The following GEMIN4 variants were observed in gnomAD, a reference collection of about 807,000 sequenced individuals.
GEMIN4 encodes the protein gem nuclear organelle associated protein 4, also known as gem-associated protein 4.
A neutral mutation model predicts 76.8 loss-of-function variants in GEMIN4; 59 were observed. The observed-to-expected ratio is 0.77, with a 90% CI of 0.62 to 0.95. The LOEUF (loss-of-function observed/expected upper bound fraction) is 0.95, where lower values mean the gene tolerates loss of function less well. Ranked by LOEUF, GEMIN4 falls within the 40% of genes least tolerant of loss-of-function variation. GEMIN4 has a pLI of 0.00. For synonymous variants in GEMIN4, 562 were observed against 559.7 expected (o/e 1.00, Z -0.06); for missense variants, 1,311 against 1,318.9 (o/e 0.99, Z 0.09).
In GEMIN4 at chr17:746,289, A is replaced by G. The variant is rs1009180395; in HGVS notation, c.1754T>C (p.Phe585Ser). The change falls in exon 2 of 2, where the codon TTC (phenylalanine) becomes TCC (serine). Residue 585 changes from phenylalanine (F) to serine (S), a missense_variant. By Grantham distance (155) the Phe-to-Ser change is radical (BLOSUM62 -2). Coordinates refer to ENST00000319004, the MANE Select transcript of GEMIN4 (RefSeq NM_015721.3). The surrounding 1 kb of genome is among the most constrained non-coding windows in gnomAD (Gnocchi z 4.3). ...HKFLAQILTA[F>S]PALRFVEEQG... ...CTCTTCCACAAACCTAAGGGCAGGG[A>G]AGGCAGTGAGAATCTGGGCCAGGAA... 12 of 1,613,692 alleles carry G rather than the reference A, an allele frequency of 7.4e-6. No individual in the cohort carries two copies. Among genetic ancestry groups the G allele is most frequent in the Non-Finnish European group, 1.0e-5 (12 of 1,179,896 alleles).
chr17:746,951 G>A lies in GEMIN4; in HGVS notation c.1092C>T (p.Asn364=), dbSNP rs1974448411. 6.2e-7 allele frequency: 1 copy of A among 1,613,432 alleles called. No homozygotes were observed. The highest frequency in any genetic ancestry group is 1.3e-5 in the African/African-American group (1 of 75,028). Reference sequence around the variant, plus strand: ...TGTCCTCCTTGGACAGGCTGGTGCGGTTCAGGTAGAGCGTCGCGTTCTGGC... The same window carrying A: ...TGTCCTCCTTGGACAGGCTGGTGCGATTCAGGTAGAGCGTCGCGTTCTGGC... ...SFSQNATLYL[N]RTSLSKEDRQ... is the part of the protein sequence containing the mutation. The change falls in exon 2 of 2, where the codon AAC becomes AAT. Residue 364 remains asparagine, a synonymous_variant. Transcript: ENST00000319004. The surrounding 1 kb of genome is among the most constrained non-coding windows in gnomAD (Gnocchi z 4.3).
Position 744,846 on chromosome 17 carries a change from GC to G in GEMIN4, c.*19del. 1 of 1,593,814 alleles carries G rather than the reference GC, an allele frequency of 6.3e-7. No homozygotes were observed. ...TCTTCTGCAGACCCGCCATGTTGGG[GC>G]CCAGCTCCCCACGCCAAGTCAGAAG... is the stretch of plus-strand genomic sequence containing the variant. On this transcript the variant is annotated 3_prime_UTR_variant, in exon 2 of 2. Coordinates refer to ENST00000319004, the MANE Select transcript of GEMIN4 (RefSeq NM_015721.3).
In GEMIN4 at chr17:746,381, T is replaced by C. The variant is rs753209024; in HGVS notation, c.1662A>G (p.Ile554Met). Residue 554 changes from isoleucine to methionine, a missense_variant, in exon 2 of 2, where the codon ATA (isoleucine) becomes ATG (methionine). Transcript: ENST00000319004. This position sits in a 1 kb window ranked among gnomAD's most constrained non-coding sequence, Gnocchi z 4.3. ...KAVASVARLVIVHPEVTVKKM... is the reference protein window; with the variant it reads ...KAVASVARLVMVHPEVTVKKM... ...TCTTCACCGTGACTTCCGGGTGCAC[T>C]ATGACCAGGCGGGCCACGGAGGCCA... is the stretch of plus-strand genomic sequence containing the variant. 2.6e-5 allele frequency: 42 copies of C among 1,613,714 alleles called. No homozygotes were observed. The highest frequency in any genetic ancestry group is 3.5e-5 in the Non-Finnish European group (41 of 1,179,894).
chr17:747,898 C>A lies in GEMIN4; in HGVS notation c.145G>T (p.Ala49Ser). The A allele has an allele frequency of 6.2e-7, 1 of 1,613,934 alleles. No homozygotes were observed. The highest frequency in any genetic ancestry group is 8.5e-7 in the Non-Finnish European group (1 of 1,179,890). Residue 49 changes from alanine to serine, a missense_variant, in exon 2 of 2, where the codon GCC (alanine) becomes TCC (serine). Transcript: ENST00000319004. Reference sequence around the variant, plus strand: ...GCAGCCGAGGAGATCTCCCTTAAGGCCTCCACGATGGGCCGTCCAACACGT... The same window carrying A: ...GCAGCCGAGGAGATCTCCCTTAAGGACTCCACGATGGGCCGTCCAACACGT... ...WERVGRPIVE[A>S]LREISSAAAH...
At chr17:752,363 C>G (rs1303076840), upstream of GEMIN4, 14 of 1,065,740 alleles carry the variant, frequency 1.3e-5, no homozygotes, top group East Asian at 3.3e-5. Context: ...CGGCAGAGCC[C>G]TCCCACCAGC....
chr17:752,365 C>G (rs1329276788), upstream of GEMIN4: 1 of 1,053,636 alleles, frequency 9.5e-7, no homozygotes, highest in Non-Finnish European at 1.2e-6. Context: ...GCAGAGCCCT[C>G]CCACCAGCCC....
rs1974461826 is a variant in GEMIN4, at chr17:747,182, CTG to C, written c.859_860del (p.Gln287GlyfsTer24). The C allele has an allele frequency of 1.2e-6, 2 of 1,613,732 alleles. No homozygotes were observed. Among genetic ancestry groups the C allele is most frequent in the African/African-American group, 2.7e-5 (2 of 74,924 alleles). The stretch of plus-strand genomic sequence containing the variant: ...CCTCCTTCACCTTCTCTGCCAGCGC[CTG>C]CTGGTGGTAGGGATTCTGGGTGTCC... Reference protein sequence around the residue: ...NSDTQNPYHQQALAEKVKEAE... With the variant: ...NSDTQNPYHQXALAEKVKEAE... On this transcript the variant is annotated frameshift_variant, in exon 2 of 2. Transcript: ENST00000319004. LOFTEE classifies it high-confidence loss of function.
At chr17:749,686 C>G in intron 1 of GEMIN4, 1 of 368,580 alleles carries the variant, frequency 2.7e-6, no homozygotes, top group Non-Finnish European at 4.0e-6. Context: ...ATCACGCAGC[C>G]ACAGGGTAAC....
chr17:750,014 G>C, intron 1 of GEMIN4: 1 of 982,748 alleles, frequency 1.0e-6, no homozygotes, highest in Non-Finnish European at 1.2e-6. Context: ...AACATCTTGG[G>C]ATGTTTAATC....
rs1597558942 is a variant in GEMIN4, at chr17:747,744, A to C, written c.299T>G (p.Val100Gly). Residue 100 changes from valine (V) to glycine (G), a missense_variant, in exon 2 of 2, where the codon GTG (valine) becomes GGG (glycine). Val to Gly is a moderately radical substitution (Grantham distance 109). Coordinates refer to ENST00000319004, the MANE Select transcript of GEMIN4 (RefSeq NM_015721.3). ...TRWQEDLFFS[V>G]GNMIPTINHT... ...GTTGATGGTGGGGATCATGTTGCCCACCGAGAAGAACAGGTCTTCCTGCCA... is the reference window on the plus strand; with the variant it reads ...GTTGATGGTGGGGATCATGTTGCCCCCCGAGAAGAACAGGTCTTCCTGCCA... 2 of 1,613,698 alleles carry C rather than the reference A, an allele frequency of 1.2e-6. No individual in the cohort carries two copies. The highest frequency in any genetic ancestry group is 1.7e-6 in the Non-Finnish European group (2 of 1,179,816).
intron 1 of GEMIN4, chr17:751,531 C>T (rs1414216067): frequency 6.6e-6 from 1 of 152,228 alleles, no homozygotes; most frequent in Non-Finnish European, 1.5e-5. Context: ...GGGCTCCCTC[C>T]CAGACCTTGC....
chr17:750,084 A>G, intron 1 of GEMIN4: 2 of 724,218 alleles, frequency 2.8e-6, no homozygotes, highest in Non-Finnish European at 3.4e-6. Context: ...GGCCAGGTTC[A>G]GTGGCTAGCA....
rs375738068 is a variant in GEMIN4 at position 750,956 on chromosome 17, G to A, written c.10+1177C>T. Among the ~76,000 whole-genome samples the A allele has an allele frequency of 3.3e-5, 5 of 152,198 alleles. No individual in the cohort carries two copies. The East Asian group carries it at 9.6e-4, about 29-fold the overall frequency. ...GTCCCAAAATATAGTCCCTCCTGAC[G>A]CTGTAAATTTAATTTTATTGCATTA... On this transcript the variant is annotated intron_variant, in intron 1 of 1. Coordinates refer to ENST00000319004, the MANE Select transcript of GEMIN4 (RefSeq NM_015721.3).
At position 746,362 on chromosome 17, in the gene GEMIN4, C is replaced by T. The variant is rs1167363758; in HGVS notation, c.1681G>A (p.Val561Met). 2 of 1,613,728 alleles carry T rather than the reference C, an allele frequency of 1.2e-6. No individual in the cohort carries two copies. Among genetic ancestry groups the T allele is most frequent in the African/African-American group, 2.7e-5 (2 of 74,910 alleles). ...ACAGCCAGGCTGCACATTTTCTTCACCGTGACTTCCGGGTGCACTATGACC... is the reference window on the plus strand; with the variant it reads ...ACAGCCAGGCTGCACATTTTCTTCATCGTGACTTCCGGGTGCACTATGACC... ...RLVIVHPEVTVKKMCSLAVVN... is the reference protein window; with the variant it reads ...RLVIVHPEVTMKKMCSLAVVN... Residue 561 changes from valine (V) to methionine (M), a missense_variant, in exon 2 of 2, where the codon GTG becomes ATG. This residue lies in a region of GEMIN4 where 1,208 missense variants were observed against 1,166.9 expected (regional missense o/e 1.04). Transcript: ENST00000319004. This position sits in a 1 kb window ranked among gnomAD's most constrained non-coding sequence, Gnocchi z 4.3.
chr17:744,672 G>GA lies in GEMIN4; in HGVS notation c.*193dup, dbSNP rs1974318065. ...TAGTTTGTACGTTACAAATACCCAA[G>GA]AAACTATTTTCTTTACACCATTATT... On this transcript the variant is annotated 3_prime_UTR_variant, in exon 2 of 2. Coordinates refer to ENST00000319004, the MANE Select transcript of GEMIN4 (RefSeq NM_015721.3). The GA allele has an allele frequency of 1.1e-5, 6 of 564,962 alleles. No individual in the cohort carries two copies. Among genetic ancestry groups the GA allele is most frequent in the Non-Finnish European group, 1.2e-5 (4 of 327,226 alleles). 35.0% of individuals were successfully genotyped at this position (564,962 alleles called of 1,614,324 possible).
intron 1 of GEMIN4, chr17:751,817 A>G (rs1904712857): frequency 2.8e-6 from 1 of 352,216 alleles, no homozygotes; most frequent in African/African-American, 2.1e-5. Context: ...CGGGGCGCCC[A>G]GGGGTGCTCG....
rs1433534185 is a variant in GEMIN4 at position 747,318 on chromosome 17, T to A, written c.725A>T (p.Asn242Ile). 1.2e-6 allele frequency: 2 copies of A among 1,613,608 alleles called. No homozygotes were observed. The highest frequency in any genetic ancestry group is 3.3e-5 in the Admixed American group (2 of 60,006). ...GPGRKCCALA[N>I]LADMLTVFAL... ...AAACACAGTCAGCATGTCAGCCAGG[T>A]TGGCCAGCGCACAGCACTTCCTCCC... The change falls in exon 2 of 2, where the codon AAC becomes ATC. Residue 242 changes from asparagine to isoleucine, a missense_variant. This residue lies in a region of GEMIN4 where 1,208 missense variants were observed against 1,166.9 expected (regional missense o/e 1.04). Coordinates refer to ENST00000319004, the MANE Select transcript of GEMIN4 (RefSeq NM_015721.3).
chr17:745,248 G>T lies in GEMIN4; in HGVS notation c.2795C>A (p.Pro932His). The change falls in exon 2 of 2, where the codon CCT (proline) becomes CAT (histidine). Residue 932 changes from proline to histidine, a missense_variant. This residue lies in a region of GEMIN4 where 1,208 missense variants were observed against 1,166.9 expected (regional missense o/e 1.04). Transcript: ENST00000319004. The surrounding 1 kb of genome is among the most constrained non-coding windows in gnomAD (Gnocchi z 4.6). Reference sequence around the variant, plus strand: ...GACCACGTGGTTCCAGCCTTCCAGAGGAAGCCAATCACGACAGCTATGGCT... The same window carrying T: ...GACCACGTGGTTCCAGCCTTCCAGATGAAGCCAATCACGACAGCTATGGCT... ...LCSHSCRDWL[P>H]LEGWNHVVKL... 6.2e-7 allele frequency: 1 copy of T among 1,610,934 alleles called. No homozygotes were observed. Among genetic ancestry groups the T allele is most frequent in the South Asian group, 1.1e-5 (1 of 90,684 alleles).
At chr17:752,521 T>G, upstream of GEMIN4, 1 of 443,384 alleles carries the variant, frequency 2.3e-6, no homozygotes, top group Non-Finnish European at 3.3e-6. Flanking sequence ...CGCACACAGT[T>G]CACCCCCACC....
Sources: allele counts gnomAD v4.1 joint callset (sites outside exome capture counted in the v4.1 genomes callset), GRCh38; gene constraint gnomAD v4.1.1; regional missense constraint gnomAD v4.1.1; non-coding constraint Gnocchi (gnomAD v3.1); transcripts MANE v1.5; gene names NCBI Gene and HGNC (gene_info 2026-07-23, HGNC 2026-07-21).